The following UNC5C variants were observed in gnomAD, a reference collection of about 807,000 sequenced individuals.
UNC5C encodes the protein netrin receptor UNC5C.
In UNC5C, 47 loss-of-function variants were observed where a neutral mutation model predicts 99.8. That is an observed-to-expected ratio of 0.47 (90% CI 0.37 to 0.60). The LOEUF (loss-of-function observed/expected upper bound fraction) is 0.60, where lower values mean the gene tolerates loss of function less well. Among genes scored for constraint, UNC5C ranks in the 20% least tolerant of loss-of-function variants. The probability of loss-of-function intolerance (pLI) is 0.00; values close to 1 mark genes in which losing one functional copy is unlikely to be tolerated. For missense variants in UNC5C, 1,062 were observed against 1,165.9 expected, an observed-to-expected ratio of 0.91 and a Z score of 1.30; for synonymous variants, 487 against 452.2, an observed-to-expected ratio of 1.08 and a Z score of -0.98.
chr4:95,179,555 T>C (rs1736519265), intron 14 of UNC5C, among the ~76,000 whole-genome samples: 1 of 152,090 alleles, frequency 6.6e-6, no homozygotes, highest in Non-Finnish European at 1.5e-5. Flanking sequence ...GAGACCAGCC[T>C]AGCCAACGTG....
At chr4:95,526,130 A>C (rs976135455) in intron 1 of UNC5C, among the ~76,000 whole-genome samples, 5 of 152,148 alleles carry the variant, frequency 3.3e-5, no homozygotes, top group African/African-American at 9.6e-5. Flanking sequence ...TTTAATTCTA[A>C]ATCCACTGTG....
chr4:95,348,924 G>A (rs11932445), intron 1 of UNC5C, among the ~76,000 whole-genome samples: 84,201 of 142,250 alleles, frequency 0.59, 24,434 homozygotes, highest in East Asian at 0.85. Flanking sequence ...TAAAACAATC[G>A]AACTCATGGA....
chr4:95,247,081 T>C (rs1739531105), intron 5 of UNC5C, among the ~76,000 whole-genome samples: 1 of 152,036 alleles, frequency 6.6e-6, no homozygotes, highest in Non-Finnish European at 1.5e-5. Flanking sequence ...TCAAGTAGTA[T>C]ACATATAATT....
At chr4:95,363,219 G>A (rs759895405) in intron 1 of UNC5C, among the ~76,000 whole-genome samples, 3 of 152,080 alleles carry the variant, frequency 2.0e-5, no homozygotes, top group East Asian at 3.9e-4. Context: ...CTGCACCACC[G>A]GCTTACCATT....
intron 10 of UNC5C, 79 bp from the exon 11 acceptor site, chr4:95,206,875 C>A: frequency 2.6e-5 from 28 of 1,078,788 alleles, no homozygotes; most frequent in South Asian, 4.9e-5. Context: ...TGAAGGCAAA[C>A]AGGTCAAGTA....
Position 95,434,776 on chromosome 4 carries a change from A to C in UNC5C, c.125-99145T>G, listed in dbSNP as rs188271364. Among the ~76,000 whole-genome samples the C allele has an allele frequency of 2.4e-4, 36 of 152,110 alleles. 1 individual carries two copies. In the East Asian group the frequency reaches 5.2e-3, roughly 22 times the overall value. ...CCTTCTTGAATATCCCACAGTGACT[A>C]TGAAGTTTCAGCTCAAAGAACTTAT... On this transcript the variant is annotated intron_variant, in intron 1 of 15. Coordinates refer to ENST00000453304, the MANE Select transcript of UNC5C (RefSeq NM_003728.4).
intron 6 of UNC5C, among the ~76,000 whole-genome samples, chr4:95,243,113 T>G (rs971903195): frequency 1.3e-5 from 2 of 152,302 alleles, no homozygotes; most frequent in South Asian, 2.1e-4. Context: ...CAACTGCATT[T>G]TATATAGTCT....
chr4:95,544,359 T>G (rs1421971790), intron 1 of UNC5C, among the ~76,000 whole-genome samples: 1 of 152,148 alleles, frequency 6.6e-6, no homozygotes, highest in African/African-American at 2.4e-5. Flanking sequence ...AACGCAAACT[T>G]AGCTTCAAGA....
At chr4:95,339,752 C>T (rs1368414643) in intron 1 of UNC5C, among the ~76,000 whole-genome samples, 3 of 152,092 alleles carry the variant, frequency 2.0e-5, no homozygotes, top group Non-Finnish European at 2.9e-5. Context: ...CTGCATTGTG[C>T]TATCTGGGCA....
intron 1 of UNC5C, among the ~76,000 whole-genome samples, chr4:95,407,843 A>C (rs978514613): frequency 6.6e-6 from 1 of 152,192 alleles, no homozygotes; most frequent in African/African-American, 2.4e-5. Flanking sequence ...AAAAGGGCTC[A>C]TAACAGGGTG....
intron 1 of UNC5C, among the ~76,000 whole-genome samples, chr4:95,465,172 AAAAC>A (rs1474243004): frequency 6.6e-6 from 1 of 152,182 alleles, no homozygotes; most frequent in Non-Finnish European, 1.5e-5. Context: ...TAAAAAATTT[AAAAC>A]AAACAGCCAC....
At chr4:95,274,301 G>A (rs1433111806) in intron 4 of UNC5C, among the ~76,000 whole-genome samples, 2 of 152,058 alleles carry the variant, frequency 1.3e-5, no homozygotes, top group Non-Finnish European at 2.9e-5. Context: ...TGGCTCCCTG[G>A]GATTTCTGGA....
intron 1 of UNC5C, among the ~76,000 whole-genome samples, chr4:95,340,103 T>C (rs1743507630): frequency 6.6e-6 from 1 of 152,094 alleles, no homozygotes. Flanking sequence ...CCATGTATTA[T>C]TTTTATAGAC....
chr4:95,237,771 G>A (rs1399893052), intron 7 of UNC5C, among the ~76,000 whole-genome samples: 3 of 152,120 alleles, frequency 2.0e-5, no homozygotes, highest in Admixed American at 6.6e-5. Flanking sequence ...GAACAGACCC[G>A]GCGCAGTGGC....
At chr4:95,243,538 G>A (rs1436775437) in intron 6 of UNC5C, among the ~76,000 whole-genome samples, 1 of 152,072 alleles carries the variant, frequency 6.6e-6, no homozygotes, top group Non-Finnish European at 1.5e-5. Flanking sequence ...AGGATTCAAT[G>A]TAAAACAATG....
At chr4:95,369,886 C>T (rs1211529672) in intron 1 of UNC5C, among the ~76,000 whole-genome samples, 1 of 150,282 alleles carries the variant, frequency 6.7e-6, no homozygotes, top group Non-Finnish European at 1.5e-5. Context: ...CTTTTTGTAG[C>T]CCCCCCTTTT....
chr4:95,196,762 TATTATATTTATGTAATATATAATA>T lies in UNC5C; in HGVS notation c.2136+5945_2136+5968del, dbSNP rs1446297965. ...ATATTTATGTAATATATAATATATA[TATTATATTTATGTAATATATAATA>T]TATATATTATATTTATGTAATATAT... is the stretch of plus-strand genomic sequence containing the variant. On this transcript the variant is annotated intron_variant, in intron 12 of 15. Transcript: ENST00000453304. Among the ~76,000 whole-genome samples, 88 of 45,632 alleles carry T rather than the reference TATTATATTTATGTAATATATAATA, an allele frequency of 1.9e-3. 9 individuals are homozygous for T. The highest frequency in any genetic ancestry group is 6.3e-3 in the African/African-American group (69 of 10,954). The allele number at this position is 45,632 out of a possible 152,430, so 29.9% of individuals were successfully genotyped here.
At chr4:95,310,915 T>A (rs1024764121) in intron 2 of UNC5C, among the ~76,000 whole-genome samples, 5 of 152,184 alleles carry the variant, frequency 3.3e-5, no homozygotes, top group African/African-American at 1.2e-4. Context: ...TTACATAGAA[T>A]GAAAAATAAA....
At chr4:95,466,638 G>C (rs1220886248) in intron 1 of UNC5C, among the ~76,000 whole-genome samples, 1 of 151,882 alleles carries the variant, frequency 6.6e-6, no homozygotes, top group Admixed American at 6.6e-5. Flanking sequence ...CTATCTGCCA[G>C]GTTCTATGCT....
Sources: gnomAD v4.1 joint callset for allele counts (sites outside exome capture counted in the v4.1 genomes callset) on GRCh38, gnomAD v4.1.1 for gene constraint, MANE v1.5 for transcripts, NCBI Gene and HGNC (gene_info 2026-07-23, HGNC 2026-07-21) for gene names.